OCA2: variants seen among roughly 807,000 people sequenced by gnomAD.
OCA2 encodes P protein.
OCA2 carries 77 observed loss-of-function variants against 100.2 expected under a neutral mutation model. That is an observed-to-expected ratio of 0.77 (90% CI 0.64 to 0.93). The LOEUF is 0.93. Among genes scored for constraint, OCA2 ranks in the 40% least tolerant of loss-of-function variants. OCA2 has a pLI of 0.00. For missense variants in OCA2, 1,062 were observed against 1,089.1 expected, an observed-to-expected ratio of 0.98 and a Z score of 0.35; for synonymous variants, 432 against 439.2, an observed-to-expected ratio of 0.98 and a Z score of 0.21.
At chr15:27,939,935 C>T (rs1178849167) in intron 18 of OCA2, among the ~76,000 whole-genome samples, 2 of 152,222 alleles carry the variant, frequency 1.3e-5, no homozygotes, top group Admixed American at 6.5e-5. Context: ...TCGGGAACCA[C>T]CCAGGTCACT....
intron 5 of OCA2, among the ~76,000 whole-genome samples, chr15:28,024,268 A>G (rs2042681409): frequency 6.6e-6 from 1 of 151,922 alleles, no homozygotes; most frequent in Non-Finnish European, 1.5e-5. Context: ...TCGTTCCCAC[A>G]CTCTGTTCCC....
rs181502210 is a variant in OCA2, at chr15:27,846,592, C to A, written c.2339-1540G>T. ...CCAATTAAAATGATAGTTTTGCAGGCAGGTCCTGCCCAGGTGGAGAGCATT... is the reference window on the plus strand; with the variant it reads ...CCAATTAAAATGATAGTTTTGCAGGAAGGTCCTGCCCAGGTGGAGAGCATT... On this transcript the variant is annotated intron_variant, in intron 22 of 23. Transcript: ENST00000354638. Among the ~76,000 whole-genome samples the A allele has an allele frequency of 2.6e-3, 399 of 152,280 alleles. 2 individuals are homozygous for A. Among genetic ancestry groups the A allele is most frequent in the African/African-American group, 9.3e-3 (386 of 41,554 alleles).
rs371591271 is a variant in OCA2, at chr15:27,871,131, C to T, written c.2244+23G>A. 888 of 1,579,188 alleles carry T rather than the reference C, an allele frequency of 5.6e-4. 2 individuals are homozygous for T. The highest frequency in any genetic ancestry group is 3.7e-4 in the Non-Finnish European group (430 of 1,148,348). Reference sequence around the variant, plus strand: ...TATGTCCAGGCTAAAGTTGAGCCGTCGACATGGACATGTGCAACTCACCAT... The same window carrying T: ...TATGTCCAGGCTAAAGTTGAGCCGTTGACATGGACATGTGCAACTCACCAT... On this transcript the variant is annotated intron_variant, in intron 21 of 23. Transcript: ENST00000354638.
Position 27,770,852 on chromosome 15 carries a change from T to C in OCA2, c.2433-15380A>G, listed in dbSNP as rs796626893. ...TTCCTTCCTCCCTCTTTTCCTTCCT[T>C]CCTTTCTTCCTTCCTTCCCTCCTTC... On this transcript the variant is annotated intron_variant, in intron 23 of 23. Coordinates refer to ENST00000354638, the MANE Select transcript of OCA2 (RefSeq NM_000275.3). Among the ~76,000 whole-genome samples the C allele has an allele frequency of 3.6e-3, 291 of 80,590 alleles. 1 individual carries two copies. Among genetic ancestry groups the C allele is most frequent in the East Asian group, 0.017 (13 of 748 alleles). 52.9% of individuals were successfully genotyped at this position (80,590 alleles called of 152,430 possible).
chr15:27,720,073 T>TA, the OCA2 span, among the ~76,000 whole-genome samples: 2 of 152,192 alleles, frequency 1.3e-5, no homozygotes, highest in African/African-American at 4.8e-5. Context: ...CACAGTTAGG[T>TA]AATTAAAGTA....
chr15:28,017,333 A>G (rs1048502284), intron 7 of OCA2, among the ~76,000 whole-genome samples: 1 of 152,170 alleles, frequency 6.6e-6, no homozygotes, highest in African/African-American at 2.4e-5. Context: ...GGCCACCCCA[A>G]GAGAGCAGGG....
At chr15:27,883,202 T>C (rs2037092354) in intron 19 of OCA2, among the ~76,000 whole-genome samples, 1 of 152,142 alleles carries the variant, frequency 6.6e-6, no homozygotes, top group Non-Finnish European at 1.5e-5. Flanking sequence ...TGCCACTACA[T>C]GATGAAGACT....
At chr15:27,749,133 A>G in the OCA2 span, among the ~76,000 whole-genome samples, 2 of 152,206 alleles carry the variant, frequency 1.3e-5, no homozygotes, top group Admixed American at 1.3e-4. Flanking sequence ...CTTCAAAAAC[A>G]ATAAACTCAA....
At chr15:27,814,372 A>G (rs999914844) in intron 23 of OCA2, among the ~76,000 whole-genome samples, 13 of 152,248 alleles carry the variant, frequency 8.5e-5, no homozygotes, top group African/African-American at 2.9e-4. Flanking sequence ...ACATACAATG[A>G]TGTCCATTGA....
intron 2 of OCA2, among the ~76,000 whole-genome samples, chr15:28,054,576 A>G (rs888828822): frequency 4.6e-5 from 7 of 152,166 alleles, no homozygotes; most frequent in Admixed American, 3.9e-4. Flanking sequence ...AGACAGTTCT[A>G]TGTTGCTGCC....
chr15:27,992,351 TC>T (rs2041584110), intron 9 of OCA2, among the ~76,000 whole-genome samples: 1 of 152,204 alleles, frequency 6.6e-6, no homozygotes, highest in Admixed American at 6.5e-5. Context: ...TCCACCCACC[TC>T]GCCTCCCAAA....
chr15:28,047,449 T>G (rs2043379877), intron 2 of OCA2, among the ~76,000 whole-genome samples: 1 of 152,192 alleles, frequency 6.6e-6, no homozygotes, highest in South Asian at 2.1e-4. Context: ...CATTAAGACA[T>G]ACAGACAGAC....
intron 23 of OCA2, among the ~76,000 whole-genome samples, chr15:27,802,264 T>C (rs550036262): frequency 6.3e-4 from 96 of 152,242 alleles, no homozygotes; most frequent in African/African-American, 2.3e-3. Flanking sequence ...ACTTGTACAC[T>C]GAAAACAACA....
At chr15:27,949,032 T>C (rs2039941027) in intron 18 of OCA2, among the ~76,000 whole-genome samples, 1 of 152,106 alleles carries the variant, frequency 6.6e-6, no homozygotes, top group Non-Finnish European at 1.5e-5. Flanking sequence ...ACCTATGTGT[T>C]AAAATCCAAA....
At chr15:27,864,880 G>A (rs1235809155) in intron 21 of OCA2, among the ~76,000 whole-genome samples, 7 of 151,750 alleles carry the variant, frequency 4.6e-5, no homozygotes, top group Non-Finnish European at 1.0e-4. Context: ...CGGTCTTTAG[G>A]GCCATGCAAT....
the OCA2 span, among the ~76,000 whole-genome samples, chr15:27,738,214 T>G: frequency 5.3e-5 from 8 of 151,990 alleles, no homozygotes; most frequent in Non-Finnish European, 8.8e-5. Context: ...CACAAGAATG[T>G]TCCTAGCACA....
intron 19 of OCA2, among the ~76,000 whole-genome samples, chr15:27,907,892 C>A (rs564872792): frequency 6.6e-6 from 1 of 152,094 alleles, no homozygotes; most frequent in South Asian, 2.1e-4. Flanking sequence ...AAAAAAGAGC[C>A]AGGCCAAGAT....
intron 14 of OCA2, among the ~76,000 whole-genome samples, chr15:27,969,845 T>G (rs1197539905): frequency 6.6e-6 from 1 of 151,218 alleles, no homozygotes; most frequent in African/African-American, 2.4e-5. Context: ...AATGGTCCAT[T>G]AGGTTGCAAA....
At chr15:27,774,244 C>G (rs1312409831) in intron 23 of OCA2, among the ~76,000 whole-genome samples, 1 of 152,162 alleles carries the variant, frequency 6.6e-6, no homozygotes, top group Non-Finnish European at 1.5e-5. Context: ...AAGGCCCCAT[C>G]GAGTGCATTC....
Sources: allele counts gnomAD v4.1 joint callset (sites outside exome capture counted in the v4.1 genomes callset), GRCh38; gene constraint gnomAD v4.1.1; transcripts MANE v1.5; gene names NCBI Gene and HGNC (gene_info 2026-07-23, HGNC 2026-07-21).